The following KIF23 variants were observed in gnomAD, a reference collection of about 807,000 sequenced individuals.
KIF23 encodes the protein kinesin family member 23, also known as kinesin-like protein KIF23.
A neutral mutation model predicts 137.5 loss-of-function variants in KIF23; 30 were observed. That is an observed-to-expected ratio of 0.22 (90% confidence interval 0.16 to 0.30). The LOEUF (loss-of-function observed/expected upper bound fraction) is 0.30. KIF23 is among the 10% of genes least tolerant of loss of function. The pLI is 1.00. For missense variants in KIF23, 920 were observed against 1,194.3 expected, an observed-to-expected ratio of 0.77 and a Z score of 3.38; for synonymous variants, 367 against 391.1, an observed-to-expected ratio of 0.94 and a Z score of 0.73.
chr15:69,432,390 G>A (rs1367872221), intron 11 of KIF23, among the ~76,000 whole-genome samples: 1 of 152,136 alleles, frequency 6.6e-6, no homozygotes, highest in African/African-American at 2.4e-5. Context: ...AATGATTGTT[G>A]TTCTCATGGA....
chr15:69,438,651 G>A (rs2057539651), intron 16 of KIF23, among the ~76,000 whole-genome samples: 1 of 152,038 alleles, frequency 6.6e-6, no homozygotes, highest in Non-Finnish European at 1.5e-5. Context: ...AAGTACAAAA[G>A]TTAGCTGGGC....
chr15:69,420,137 G>T (rs145207392), intron 3 of KIF23, among the ~76,000 whole-genome samples: 95 of 152,154 alleles, frequency 6.2e-4, no homozygotes, highest in Admixed American at 2.4e-3. Flanking sequence ...GGAGGCATGC[G>T]CCTGTAATCA....
At chr15:69,415,906 T>C in intron 1 of KIF23, 88 bp from the exon 2 acceptor site, 1 of 928,312 alleles carries the variant, frequency 1.1e-6, no homozygotes, top group South Asian at 1.8e-5. Flanking sequence ...ACAGATAACC[T>C]AGAAAGATTG....
At chr15:69,424,816 A>G (rs1489037027) in intron 7 of KIF23, among the ~76,000 whole-genome samples, 1 of 152,154 alleles carries the variant, frequency 6.6e-6, no homozygotes, top group Non-Finnish European at 1.5e-5. Context: ...CCTGACCATC[A>G]CTTTTTATAT....
At chr15:69,436,328 A>C in intron 14 of KIF23, 67 bp downstream of exon 14, 1 of 1,535,718 alleles carries the variant, frequency 6.5e-7, no homozygotes, top group Non-Finnish European at 8.8e-7. Flanking sequence ...TTTAAAAAAA[A>C]TTATTTCATT....
intron 10 of KIF23, 35 bp from the exon 11 acceptor site, chr15:69,429,076 C>A (rs1206894176): frequency 2.2e-6 from 3 of 1,391,602 alleles, no homozygotes; most frequent in East Asian, 4.7e-5. Flanking sequence ...CCAGTTATAA[C>A]CCATTTTAAG....
At chr15:69,421,017 T>G (rs1475387821) in intron 3 of KIF23, among the ~76,000 whole-genome samples, 1 of 152,230 alleles carries the variant, frequency 6.6e-6, no homozygotes, top group Non-Finnish European at 1.5e-5. Flanking sequence ...TGACTATGAA[T>G]CGTTACAATA....
In KIF23 at chr15:69,447,783, A is replaced by T; in HGVS notation, c.2910-9A>T. The T allele has an allele frequency of 6.2e-7, 1 of 1,602,270 alleles. No homozygotes were observed. The highest frequency in any genetic ancestry group is 8.5e-7 in the Non-Finnish European group (1 of 1,172,026). On this transcript the variant is annotated splice_polypyrimidine_tract_variant and intron_variant, in intron 23 of 23. Coordinates refer to ENST00000679126, the MANE Select transcript of KIF23 (RefSeq NM_001367805.3). ...AGTTCAACTCTAAGTGCTGGTTGTT[A>T]TGTTTTAGGCGCAAAAAGCCATGAA...
chr15:69,436,880 G>A (rs558089993), intron 15 of KIF23, among the ~76,000 whole-genome samples, 158 bp downstream of exon 15: 10 of 151,886 alleles, frequency 6.6e-5, no homozygotes, highest in African/African-American at 2.4e-4. Flanking sequence ...TTAGTCTCCC[G>A]AGTAGCTGGG....
intron 15 of KIF23, 27 bp downstream of exon 15, chr15:69,436,749 T>TAAATAAAA: frequency 7.2e-7 from 1 of 1,396,114 alleles, no homozygotes; most frequent in Non-Finnish European, 9.5e-7. Flanking sequence ...TTGAAATAAT[T>TAAATAAAA]TTATTTAATT....
chr15:69,418,414 T>C (rs1450301734), intron 3 of KIF23, among the ~76,000 whole-genome samples: 1 of 152,126 alleles, frequency 6.6e-6, no homozygotes, highest in Non-Finnish European at 1.5e-5. Context: ...AAAAAGGAGT[T>C]CTTGATTTTT....
At chr15:69,425,140 A>T (rs1460743706) in intron 7 of KIF23, 142 bp from the exon 8 acceptor site, 10 of 623,516 alleles carry the variant, frequency 1.6e-5, no homozygotes, top group Non-Finnish European at 2.7e-5. Flanking sequence ...AACTTTTAGT[A>T]CTTTTAATAC....
At chr15:69,427,448 G>C in intron 10 of KIF23, 1 of 455,924 alleles carries the variant, frequency 2.2e-6, no homozygotes, top group South Asian at 1.5e-5. Context: ...AAATCCCTTT[G>C]GTAGAAGTGA....
chr15:69,429,675 G>T (rs2057304851), intron 11 of KIF23, among the ~76,000 whole-genome samples: 1 of 152,106 alleles, frequency 6.6e-6, no homozygotes, highest in South Asian at 2.1e-4. Context: ...AGTTAGGCTG[G>T]TTTGGTATTA....
chr15:69,441,123 A>G, intron 19 of KIF23, 44 bp downstream of exon 19: 1 of 1,500,282 alleles, frequency 6.7e-7, no homozygotes, highest in Non-Finnish European at 9.0e-7. Flanking sequence ...AATAGATTTT[A>G]TCTTCTTTGT....
At chr15:69,414,829 T>TGCC in intron 1 of KIF23, 1 of 262,146 alleles carries the variant, frequency 3.8e-6, no homozygotes. Context: ...CCTCGCTGGC[T>TGCC]GCCGCCGCCT....
chr15:69,439,797 G>A (rs1188406525), intron 16 of KIF23, 107 bp from the exon 17 acceptor site: 1 of 779,936 alleles, frequency 1.3e-6, no homozygotes, highest in Non-Finnish European at 1.9e-6. Context: ...TCTCCATGAT[G>A]TTTCTTTCCA....
chr15:69,436,529 T>C (rs921151580), intron 14 of KIF23, 35 bp from the exon 15 acceptor site: 40 of 1,558,128 alleles, frequency 2.6e-5, no homozygotes, highest in Non-Finnish European at 3.3e-5. Context: ...TTCTCTCCTA[T>C]GTAACTTTTT....
At chr15:69,429,549 T>G (rs530550582) in intron 11 of KIF23, among the ~76,000 whole-genome samples, 6 of 152,170 alleles carry the variant, frequency 3.9e-5, no homozygotes, top group African/African-American at 1.4e-4. Context: ...TCTAGTAATC[T>G]CTCACCTTGG....
Sources: gnomAD v4.1 joint callset for allele counts (sites outside exome capture counted in the v4.1 genomes callset) on GRCh38, gnomAD v4.1.1 for gene constraint, MANE v1.5 for transcripts, NCBI Gene and HGNC (gene_info 2026-07-23, HGNC 2026-07-21) for gene names.